The following NAALADL2 variants were observed in gnomAD, a reference collection of about 807,000 sequenced individuals.
NAALADL2 encodes inactive N-acetylated-alpha-linked acidic dipeptidase-like protein 2.
Under a neutral mutation model 87.2 loss-of-function variants are expected in NAALADL2, and 76 were observed. The ratio of observed to expected loss-of-function variants is 0.87; its 90% CI spans 0.72 to 1.05. The LOEUF (loss-of-function observed/expected upper bound fraction) is 1.05, where lower values mean the gene tolerates loss of function less well. Among genes scored for constraint, NAALADL2 ranks in the 50% least tolerant of loss-of-function variants. The pLI is 0.00. For synonymous variants in NAALADL2, 354 were observed against 331.0 expected (o/e 1.07, Z -0.75); for missense variants, 1,089 against 945.8 (o/e 1.15, Z -1.99).
At chr3:175,670,789 C>A (rs1733898949) in intron 11 of NAALADL2, among the ~76,000 whole-genome samples, 1 of 150,768 alleles carries the variant, frequency 6.6e-6, no homozygotes, top group Admixed American at 6.6e-5. Context: ...TTTTAATGAG[C>A]TTTATTATTT....
chr3:175,335,352 A>G (rs1761871478), intron 5 of NAALADL2, among the ~76,000 whole-genome samples: 1 of 152,194 alleles, frequency 6.6e-6, no homozygotes, highest in Non-Finnish European at 1.5e-5. Flanking sequence ...TAGATGTCTA[A>G]AACAGTGTGA....
At chr3:174,744,318 GCAGC>G (rs933678737) in intron 3 of NAALADL2, among the ~76,000 whole-genome samples, 27 of 151,788 alleles carry the variant, frequency 1.8e-4, no homozygotes, top group African/African-American at 6.5e-4. Context: ...TGAGACTCAA[GCAGC>G]CATTGGTTGC....
chr3:174,551,528 T>A (rs1712127397), intron 2 of NAALADL2, among the ~76,000 whole-genome samples: 1 of 152,208 alleles, frequency 6.6e-6, no homozygotes, highest in Non-Finnish European at 1.5e-5. Context: ...GTAGCCTTAC[T>A]AAAAGGCATG....
At chr3:174,483,709 G>C (rs928314559) in intron 1 of NAALADL2, among the ~76,000 whole-genome samples, 1 of 151,862 alleles carries the variant, frequency 6.6e-6, no homozygotes, top group African/African-American at 2.4e-5. Context: ...ATCTTAACTC[G>C]AATACTTAAG....
At chr3:175,081,822 A>G (rs1717890338) in intron 1 of NAALADL2, among the ~76,000 whole-genome samples, 1 of 152,148 alleles carries the variant, frequency 6.6e-6, no homozygotes, top group African/African-American at 2.4e-5. Context: ...TTTACTTGGA[A>G]CCATTTATTG....
chr3:175,138,405 A>G (rs181775534), intron 2 of NAALADL2, among the ~76,000 whole-genome samples: 4 of 152,084 alleles, frequency 2.6e-5, no homozygotes, highest in African/African-American at 7.2e-5. Context: ...TTTTTTTTAG[A>G]TTAACATCTT....
At chr3:174,630,954 G>T (rs1351147038) in intron 2 of NAALADL2, among the ~76,000 whole-genome samples, 1 of 151,996 alleles carries the variant, frequency 6.6e-6, no homozygotes, top group Non-Finnish European at 1.5e-5. Flanking sequence ...GGGATTTTGG[G>T]TCTATATTTT....
rs554609071 is a variant in NAALADL2 at position 174,991,339 on chromosome 3, G to A, written c.44-105451G>A. On this transcript the variant is annotated intron_variant, in intron 1 of 13. Transcript: ENST00000454872. ...CATTTGTCTTTTAATATTCTTTAGAGGCATTTTCTTTGTTTTCTTGGAGGT... is the reference window on the plus strand; with the variant it reads ...CATTTGTCTTTTAATATTCTTTAGAAGCATTTTCTTTGTTTTCTTGGAGGT... Among the ~76,000 whole-genome samples, 21 of 151,984 alleles carry A rather than the reference G, an allele frequency of 1.4e-4. No homozygotes were observed. In the South Asian group the frequency reaches 1.7e-3, roughly 12 times the overall value.
At chr3:175,413,955 C>A (rs948173481) in intron 5 of NAALADL2, among the ~76,000 whole-genome samples, 1 of 152,026 alleles carries the variant, frequency 6.6e-6, no homozygotes, top group Non-Finnish European at 1.5e-5. Context: ...AGAGTTGGGG[C>A]CTTTGCTGGG....
intron 11 of NAALADL2, among the ~76,000 whole-genome samples, chr3:175,656,467 T>C (rs1045692955): frequency 2.0e-5 from 3 of 152,186 alleles, no homozygotes; most frequent in African/African-American, 7.2e-5. Flanking sequence ...TTCTTGAGAA[T>C]TCACTGTCAG....
intron 2 of NAALADL2, among the ~76,000 whole-genome samples, chr3:175,152,715 G>A (rs548706350): frequency 9.2e-5 from 14 of 152,238 alleles, no homozygotes; most frequent in Middle Eastern, 3.4e-3. Flanking sequence ...AGACCAGCCT[G>A]GCCAACATGG....
At chr3:175,755,023 G>T (rs889656790) in intron 12 of NAALADL2, among the ~76,000 whole-genome samples, 197 bp from the exon 13 acceptor site, 11 of 151,866 alleles carry the variant, frequency 7.2e-5, no homozygotes, top group Non-Finnish European at 7.4e-5. Context: ...TTTTTCCTTG[G>T]ACAGGTAAGA....
chr3:175,637,811 G>T (rs943695997), intron 11 of NAALADL2, among the ~76,000 whole-genome samples: 6 of 152,164 alleles, frequency 3.9e-5, no homozygotes, highest in African/African-American at 7.2e-5. Flanking sequence ...AACAGACTAA[G>T]ACAGCAATTA....
At chr3:175,620,046 C>T (rs1275302024) in intron 10 of NAALADL2, among the ~76,000 whole-genome samples, 8 of 148,564 alleles carry the variant, frequency 5.4e-5, no homozygotes, top group Non-Finnish European at 1.0e-4. Context: ...AACTGGCTTA[C>T]AGGGGCGAGA....
chr3:175,687,620 T>C (rs1482190294), intron 11 of NAALADL2, among the ~76,000 whole-genome samples: 1 of 152,162 alleles, frequency 6.6e-6, no homozygotes, highest in Non-Finnish European at 1.5e-5. Flanking sequence ...GCTGCCTTGG[T>C]ATTTGTTATA....
rs199531693 is a variant in NAALADL2, at chr3:174,709,697, G to A, written c.-114-27944G>A. 2.1e-4 allele frequency among the ~76,000 whole-genome samples: 32 copies of A among 152,210 alleles called. No individual in the cohort carries two copies. The East Asian group carries it at 6.0e-3, about 28-fold the overall frequency. On this transcript the variant is annotated intron_variant, in intron 2 of 3. Transcript: ENST00000434257. ...AAGATAAAAATCTTGATATATTAGC[G>A]ATTCTGGTAAGCTTTAATATTATTT...
At chr3:174,787,908 G>A (rs1454964422) in intron 3 of NAALADL2, among the ~76,000 whole-genome samples, 1 of 151,796 alleles carries the variant, frequency 6.6e-6, no homozygotes, top group Non-Finnish European at 1.5e-5. Flanking sequence ...CTGAGTGACA[G>A]AGCAAGACCC....
intron 1 of NAALADL2, among the ~76,000 whole-genome samples, chr3:174,930,614 C>CT (rs760690405): frequency 0.047 from 3,130 of 66,784 alleles, 443 homozygotes; most frequent in Non-Finnish European, 0.063. Flanking sequence ...ATAAGATGAA[C>CT]TTTTTTTTTT....
At chr3:174,550,996 AT>A (rs1290867291) in intron 2 of NAALADL2, 1 of 151,908 alleles carries the variant, frequency 6.6e-6, no homozygotes, top group Non-Finnish European at 1.5e-5. Flanking sequence ...ATTTTATTTT[AT>A]TTTATTATTA....
Sources: gnomAD v4.1 joint callset for allele counts (sites outside exome capture counted in the v4.1 genomes callset) on GRCh38, gnomAD v4.1.1 for gene constraint, MANE v1.5 for transcripts, NCBI Gene and HGNC (gene_info 2026-07-23, HGNC 2026-07-21) for gene names.